C12orf56: variants seen among roughly 807,000 people sequenced by gnomAD.
C12orf56 encodes chromosome 12 open reading frame 56.
Under a neutral mutation model 69.9 loss-of-function variants are expected in C12orf56, and 71 were observed. The ratio of observed to expected loss-of-function variants is 1.02; its 90% confidence interval spans 0.84 to 1.24. The LOEUF (loss-of-function observed/expected upper bound fraction) is 1.24. Ranked by LOEUF, C12orf56 falls within the 50% of genes most tolerant of loss-of-function variation. The pLI is 0.00. For missense variants in C12orf56, 732 were observed against 738.5 expected (o/e 0.99, Z 0.10); for synonymous variants, 276 against 274.1 (o/e 1.01, Z -0.07).
intron 6 of C12orf56, among the ~76,000 whole-genome samples, chr12:64,296,536 G>A (rs897422530): frequency 1.1e-4 from 17 of 152,164 alleles, no homozygotes; most frequent in African/African-American, 3.9e-4. Context: ...CCTGCCTTGA[G>A]TGTCACCCAT....
At chr12:64,310,681 T>C (rs934955515) in intron 5 of C12orf56, among the ~76,000 whole-genome samples, 55 of 151,908 alleles carry the variant, frequency 3.6e-4, no homozygotes, top group Non-Finnish European at 7.4e-5. Flanking sequence ...ATTCATTATG[T>C]TTCAGTCATC....
chr12:64,346,219 G>A (rs2039139016), intron 2 of C12orf56, among the ~76,000 whole-genome samples: 2 of 152,146 alleles, frequency 1.3e-5, no homozygotes, highest in African/African-American at 2.4e-5. Context: ...GAGTCAGACC[G>A]AGTTCAAAAC....
At chr12:64,278,618 T>C (rs748850379) in intron 8 of C12orf56, among the ~76,000 whole-genome samples, 3 of 152,196 alleles carry the variant, frequency 2.0e-5, no homozygotes, top group Non-Finnish European at 2.9e-5. Flanking sequence ...ACACAAAATC[T>C]ATTGTCAGCA....
intron 9 of C12orf56, among the ~76,000 whole-genome samples, chr12:64,276,893 C>G (rs567775070): frequency 1.3e-5 from 2 of 148,940 alleles, no homozygotes; most frequent in Non-Finnish European, 3.0e-5. Flanking sequence ...ACTCAGGAGT[C>G]TGAAGTGAGA....
At chr12:64,352,204 A>G (rs1189019039) in intron 2 of C12orf56, 3 of 150,422 alleles carry the variant, frequency 2.0e-5, no homozygotes, top group African/African-American at 7.5e-5. Flanking sequence ...ATCCTTACCC[A>G]CCACCCTTGT....
At chr12:64,367,203 TTA>T (rs1347059662) in intron 1 of C12orf56, among the ~76,000 whole-genome samples, 12 of 127,984 alleles carry the variant, frequency 9.4e-5, no homozygotes, top group Non-Finnish European at 1.3e-4. Flanking sequence ...AGTTTATATA[TTA>T]TATATAACAT....
At chr12:64,345,518 G>A (rs2039128893) in intron 2 of C12orf56, among the ~76,000 whole-genome samples, 1 of 152,152 alleles carries the variant, frequency 6.6e-6, no homozygotes, top group Admixed American at 6.6e-5. Context: ...TTCTTTTCCA[G>A]TCAATGCCCT....
At chr12:64,357,915 G>T (rs867995315) in intron 1 of C12orf56, among the ~76,000 whole-genome samples, 46 of 151,460 alleles carry the variant, frequency 3.0e-4, no homozygotes, top group Non-Finnish European at 1.8e-4. Flanking sequence ...AAAAGAAAAA[G>T]AAAAAGAAAA....
intron 5 of C12orf56, among the ~76,000 whole-genome samples, chr12:64,308,988 A>AG (rs1265531557): frequency 3.3e-5 from 5 of 150,076 alleles, no homozygotes; most frequent in African/African-American, 1.2e-4. Context: ...AAGAAAGAAA[A>AG]GAAAGAAGGA....
At chr12:64,336,070 C>T (rs553984724) in intron 2 of C12orf56, among the ~76,000 whole-genome samples, 2 of 152,272 alleles carry the variant, frequency 1.3e-5, no homozygotes. Context: ...ACACATATTG[C>T]AGAATGTCTC....
chr12:64,268,653 A>G (rs898799016), intron 12 of C12orf56, among the ~76,000 whole-genome samples: 56 of 152,284 alleles, frequency 3.7e-4, no homozygotes, highest in African/African-American at 1.3e-3. Flanking sequence ...AAATATGGTG[A>G]ATTTAAAAAC....
chr12:64,320,033 G>A (rs923542583), intron 3 of C12orf56, among the ~76,000 whole-genome samples: 3 of 152,198 alleles, frequency 2.0e-5, no homozygotes, highest in African/African-American at 7.2e-5. Context: ...CAGGGTGTCC[G>A]CTGTGCTCCT....
At chr12:64,311,184 C>G (rs2038607963) in intron 5 of C12orf56, among the ~76,000 whole-genome samples, 1 of 151,988 alleles carries the variant, frequency 6.6e-6, no homozygotes, top group Admixed American at 6.6e-5. Context: ...TGCCTGTAAT[C>G]CCAGCACTTT....
chr12:64,352,825 A>G, intron 2 of C12orf56, 69 bp downstream of exon 2: 3 of 1,335,070 alleles, frequency 2.2e-6, no homozygotes, highest in Non-Finnish European at 2.9e-6. Flanking sequence ...ATCCTGCATC[A>G]ATTTTAAGAA....
intron 12 of C12orf56, among the ~76,000 whole-genome samples, chr12:64,269,072 A>G (rs1181808503): frequency 1.3e-5 from 2 of 151,862 alleles, no homozygotes; most frequent in East Asian, 3.9e-4. Context: ...CCCAGGAGGC[A>G]GAGATTGTGA....
intron 8 of C12orf56, among the ~76,000 whole-genome samples, chr12:64,279,258 C>T (rs2038093757): frequency 6.6e-6 from 1 of 152,064 alleles, no homozygotes. Context: ...CCCAAAAAAC[C>T]TCAGTTATTT....
At chr12:64,312,606 T>C in intron 5 of C12orf56, 73 bp downstream of exon 5, 1 of 1,157,862 alleles carries the variant, frequency 8.6e-7, no homozygotes, top group Admixed American at 2.1e-5. Context: ...GAGACTCAGT[T>C]TCAAAAAAAA....
chr12:64,333,708 T>G (rs6421212), intron 2 of C12orf56, among the ~76,000 whole-genome samples: 149,066 of 152,264 alleles, frequency 0.98, 73,043 homozygotes, highest in Middle Eastern at 1. Context: ...CACCACTTTG[T>G]CCAGGCTGGT....
chr12:64,351,103 CT>C (rs1055133014), intron 2 of C12orf56, among the ~76,000 whole-genome samples: 4 of 152,170 alleles, frequency 2.6e-5, no homozygotes, highest in African/African-American at 9.7e-5. Flanking sequence ...GATCAATATT[CT>C]AGTTCTGAGA....
Sources: allele counts gnomAD v4.1 joint callset (sites outside exome capture counted in the v4.1 genomes callset), GRCh38; gene constraint gnomAD v4.1.1; transcripts MANE v1.5; gene names NCBI Gene and HGNC (gene_info 2026-07-23, HGNC 2026-07-21).